The following OVCH1 variants were observed in gnomAD, a reference collection of about 807,000 sequenced individuals.
OVCH1 encodes ovochymase 1.
In OVCH1, 139 loss-of-function variants were observed where a neutral mutation model predicts 138.4. That is an observed-to-expected ratio of 1.00 (90% CI 0.87 to 1.16). The LOEUF is 1.16. Among genes scored for constraint, OVCH1 ranks in the 50% most tolerant of loss-of-function variants. The probability of loss-of-function intolerance (pLI) is 0.00; values close to 1 mark genes in which losing one functional copy is unlikely to be tolerated. For synonymous variants in OVCH1, 453 were observed against 467.8 expected (o/e 0.97, Z 0.41); for missense variants, 1,367 against 1,357.9 (o/e 1.01, Z -0.11).
At chr12:29,495,608 G>A (rs1237581073) in intron 3 of OVCH1, among the ~76,000 whole-genome samples, 151 bp from the exon 4 acceptor site, 1 of 151,304 alleles carries the variant, frequency 6.6e-6, no homozygotes, top group East Asian at 1.9e-4. Flanking sequence ...ATTACCAATG[G>A]TCATATTTTT....
chr12:29,472,324 C>T (rs1018127651), intron 15 of OVCH1, among the ~76,000 whole-genome samples: 5 of 152,190 alleles, frequency 3.3e-5, no homozygotes, highest in Non-Finnish European at 5.9e-5. Flanking sequence ...ATGGAACTTA[C>T]ATTCTAGTAG....
intron 7 of OVCH1, chr12:29,487,454 A>T (rs1188943868): frequency 2.5e-6 from 1 of 401,332 alleles, no homozygotes; most frequent in East Asian, 4.0e-5. Flanking sequence ...TCTATTAATA[A>T]AATCTCGTAA....
exon 11 of OVCH1, chr12:29,477,363 A>G (rs375306832): frequency 1.4e-5 from 22 of 1,613,870 alleles, no homozygotes; most frequent in Non-Finnish European, 1.8e-5. Flanking sequence ...TCTGTACAGC[A>G]GTAACGGTAA....
intron 15 of OVCH1, among the ~76,000 whole-genome samples, chr12:29,472,380 ATCT>A (rs1406570023): frequency 6.6e-6 from 1 of 152,158 alleles, no homozygotes; most frequent in East Asian, 1.9e-4. Context: ...TCTTCATTAT[ATCT>A]TCTTGTTTTA....
intron 25 of OVCH1, among the ~76,000 whole-genome samples, chr12:29,442,423 G>A (rs2135922294): frequency 7.6e-6 from 1 of 131,118 alleles, no homozygotes; most frequent in East Asian, 2.3e-4. Flanking sequence ...ACTGAACAAT[G>A]AGAACACATG....
downstream of OVCH1, among the ~76,000 whole-genome samples, chr12:29,409,882 C>G (rs7487857): frequency 1.3e-5 from 2 of 151,988 alleles, no homozygotes; most frequent in Non-Finnish European, 2.9e-5. Flanking sequence ...TCTGTCTCAT[C>G]GATCTGTCTA....
chr12:29,462,625 A>C (rs758292351), intron 18 of OVCH1, among the ~76,000 whole-genome samples: 6 of 152,070 alleles, frequency 3.9e-5, no homozygotes, highest in Non-Finnish European at 7.4e-5. Flanking sequence ...TAAGTTTAAT[A>C]TTTTATAGCC....
chr12:29,473,980 C>T (rs375242444), intron 14 of OVCH1, among the ~76,000 whole-genome samples: 16 of 152,108 alleles, frequency 1.1e-4, no homozygotes, highest in African/African-American at 3.6e-4. Context: ...AGTTTTGGGA[C>T]TCGGACTGGC....
chr12:29,409,355 G>C (rs1193595348), downstream of OVCH1, among the ~76,000 whole-genome samples: 1 of 151,996 alleles, frequency 6.6e-6, no homozygotes, highest in Non-Finnish European at 1.5e-5. Flanking sequence ...GCTAGCTTTT[G>C]AATGTATTTG....
chr12:29,419,010 A>C (rs1202145737), intron 3 of OVCH1, among the ~76,000 whole-genome samples: 1 of 151,928 alleles, frequency 6.6e-6, no homozygotes, highest in African/African-American at 2.4e-5. Context: ...CCACACCACT[A>C]TGCCCAGCTA....
At chr12:29,414,918 TA>T (rs1388112870) in intron 3 of OVCH1, among the ~76,000 whole-genome samples, 1 of 151,996 alleles carries the variant, frequency 6.6e-6, no homozygotes, top group Non-Finnish European at 1.5e-5. Flanking sequence ...AAATATACAA[TA>T]AAATAAAACT....
intron 12 of OVCH1, 48 bp from the exon 13 acceptor site, chr12:29,476,347 G>T (rs1182063641): frequency 6.8e-7 from 1 of 1,470,248 alleles, no homozygotes. Context: ...GAAGAGAAGA[G>T]AGAAGCTTAA....
intron 27 of OVCH1, among the ~76,000 whole-genome samples, chr12:29,429,683 A>G (rs969530507): frequency 2.0e-5 from 3 of 152,224 alleles, no homozygotes; most frequent in African/African-American, 7.2e-5. Flanking sequence ...TCCAAGTGTA[A>G]TTCAGCATGT....
intron 25 of OVCH1, among the ~76,000 whole-genome samples, chr12:29,442,141 T>C (rs1941501286): frequency 6.6e-6 from 1 of 151,868 alleles, no homozygotes; most frequent in Non-Finnish European, 1.5e-5. Context: ...CAAAGGACTA[T>C]AAATCATGCT....
the OVCH1 span, among the ~76,000 whole-genome samples, chr12:29,405,090 C>T: frequency 2.9e-5 from 4 of 137,470 alleles, no homozygotes; most frequent in Middle Eastern, 4.0e-3. Flanking sequence ...GGTCAAAAAC[C>T]ATTGAATATC....
chr12:29,477,704 G>T, intron 9 of OVCH1: 1 of 1,107,100 alleles, frequency 9.0e-7, no homozygotes, highest in Non-Finnish European at 1.3e-6. Flanking sequence ...TATTCTTCAG[G>T]GCCTAACTCA....
At chr12:29,477,782 C>T (rs1942793034) in intron 9 of OVCH1, among the ~76,000 whole-genome samples, 7 of 152,150 alleles carry the variant, frequency 4.6e-5, no homozygotes, top group Admixed American at 3.9e-4. Context: ...TTTGAATCAG[C>T]GCAGCACTTC....
intron 19 of OVCH1, 88 bp downstream of exon 19, chr12:29,461,766 G>T: frequency 2.0e-6 from 3 of 1,520,640 alleles, no homozygotes; most frequent in South Asian, 1.1e-5. Flanking sequence ...ACAAGTTGGT[G>T]ATTTCAGCAA....
intron 16 of OVCH1, among the ~76,000 whole-genome samples, chr12:29,466,715 G>A (rs1480517660): frequency 3.9e-5 from 6 of 152,034 alleles, no homozygotes; most frequent in Admixed American, 3.9e-4. Flanking sequence ...GCCTACTTCT[G>A]ATACACCTCA....
Sources: gnomAD v4.1 joint callset for allele counts (sites outside exome capture counted in the v4.1 genomes callset) on GRCh38, gnomAD v4.1.1 for gene constraint, MANE v1.5 for transcripts, NCBI Gene and HGNC (gene_info 2026-07-23, HGNC 2026-07-21) for gene names.